WIPF3: variants seen among roughly 807,000 people sequenced by gnomAD.
WIPF3 encodes WAS/WASL-interacting protein family member 3.
Under a neutral mutation model 38.9 loss-of-function variants are expected in WIPF3, and 33 were observed. That is an observed-to-expected ratio of 0.85 (90% CI 0.64 to 1.14). The LOEUF is 1.14. WIPF3 is among the 50% of genes most tolerant of loss of function. The pLI is 0.00. For missense variants in WIPF3, 711 were observed against 652.5 expected (o/e 1.09, Z -0.98); for synonymous variants, 324 against 269.3 (o/e 1.20, Z -1.99).
At chr7:29,904,224 G>A in intron 7 of WIPF3, 62 bp from the exon 8 acceptor site, 1 of 1,537,308 alleles carries the variant, frequency 6.5e-7, no homozygotes, top group Non-Finnish European at 9.0e-7. Context: ...AAGTTTCTCT[G>A]TGAAACATGC....
chr7:29,828,251 C>T lies in WIPF3; in HGVS notation c.-57-6417C>T, dbSNP rs181102713. On this transcript the variant is annotated intron_variant, in intron 1 of 8. Coordinates refer to ENST00000242140, the MANE Select transcript of WIPF3 (RefSeq NM_001080529.3). ...AGCAACTAGTGTGTAAAATTACTTA[C>T]ATGAGTTCTTTCTTTCTGAAATAAC... Among the ~76,000 whole-genome samples, 33 of 152,346 alleles carry T rather than the reference C, an allele frequency of 2.2e-4. No individual in the cohort carries two copies. The East Asian group carries it at 6.4e-3, about 29-fold the overall frequency.
At chr7:29,871,740 G>A (rs1332738112) in intron 2 of WIPF3, among the ~76,000 whole-genome samples, 1 of 152,164 alleles carries the variant, frequency 6.6e-6, no homozygotes, top group African/African-American at 2.4e-5. Flanking sequence ...AATGTATCCA[G>A]GTGAGAGAAA....
intron 2 of WIPF3, among the ~76,000 whole-genome samples, chr7:29,835,139 C>T (rs1033771361): frequency 5.3e-5 from 8 of 151,990 alleles, no homozygotes; most frequent in Non-Finnish European, 1.0e-4. Flanking sequence ...CGCAATGGGC[C>T]ATGCCAAAGT....
In WIPF3 at chr7:29,834,789, C is replaced by T; in HGVS notation, c.65C>T (p.Pro22Leu). Reference protein sequence around the residue: ...PPPPPPLGAPPPPPPSAPPVS... With the variant: ...PPPPPPLGAPLPPPPSAPPVS... ...CCTCCCCCGCCTCTGGGGGCTCCTC[C>T]CCCTCCCCCACCATCAGCACCCCCG... Residue 22 changes from proline to leucine, a missense_variant, in exon 2 of 9, where the codon CCC becomes CTC. Pro to Leu is a moderately conservative substitution (Grantham distance 98, BLOSUM62 -3). Coordinates refer to ENST00000242140, the MANE Select transcript of WIPF3 (RefSeq NM_001080529.3). 1 of 1,526,762 alleles carries T rather than the reference C, an allele frequency of 6.5e-7. No homozygotes were observed. Among genetic ancestry groups the T allele is most frequent in the Non-Finnish European group, 8.8e-7 (1 of 1,133,288 alleles). 94.6% of individuals were successfully genotyped at this position (1,526,762 alleles called of 1,614,324 possible).
At chr7:29,833,692 G>A (rs1382696749) in intron 1 of WIPF3, among the ~76,000 whole-genome samples, 3 of 152,164 alleles carry the variant, frequency 2.0e-5, no homozygotes, top group African/African-American at 7.2e-5. Context: ...AAAAAACATA[G>A]GGACAGGCCT....
intron 2 of WIPF3, among the ~76,000 whole-genome samples, chr7:29,846,317 T>G (rs2128067698): frequency 6.6e-6 from 1 of 152,334 alleles, no homozygotes; most frequent in Middle Eastern, 3.4e-3. Flanking sequence ...TAGATTTCCA[T>G]TTTAATAAGG....
At chr7:29,820,767 T>C (rs2128062692) in intron 1 of WIPF3, among the ~76,000 whole-genome samples, 1 of 152,320 alleles carries the variant, frequency 6.6e-6, no homozygotes, top group Non-Finnish European at 1.5e-5. Context: ...GCTTGACTTA[T>C]ACTCCTGTGA....
chr7:29,871,324 GC>G (rs1485714314), intron 2 of WIPF3, among the ~76,000 whole-genome samples: 1 of 152,144 alleles, frequency 6.6e-6, no homozygotes, highest in Non-Finnish European at 1.5e-5. Context: ...ACGCCTGTCT[GC>G]CCCCAAGTTT....
At chr7:29,910,338 T>G (rs1431216885) in intron 8 of WIPF3, among the ~76,000 whole-genome samples, 1 of 152,188 alleles carries the variant, frequency 6.6e-6, no homozygotes, top group Non-Finnish European at 1.5e-5. Context: ...CACTGGTGAA[T>G]TCTGCCAAAC....
intron 2 of WIPF3, among the ~76,000 whole-genome samples, chr7:29,870,957 C>A (rs1243210609): frequency 9.5e-4 from 126 of 132,852 alleles, no homozygotes; most frequent in South Asian, 9.6e-4. Flanking sequence ...ACCCCATCTC[C>A]AAAAAAAAAA....
intron 7 of WIPF3, among the ~76,000 whole-genome samples, chr7:29,898,833 G>A (rs886537067): frequency 4.6e-5 from 7 of 152,036 alleles, no homozygotes; most frequent in Admixed American, 3.3e-4. Context: ...CAAAATTTAG[G>A]TTTTATTTTG....
At chr7:29,851,157 C>T (rs980692798) in intron 2 of WIPF3, among the ~76,000 whole-genome samples, 2 of 152,094 alleles carry the variant, frequency 1.3e-5, no homozygotes, top group Non-Finnish European at 2.9e-5. Context: ...CCGACCTTGC[C>T]GGCCATGTCA....
intron 1 of WIPF3, among the ~76,000 whole-genome samples, chr7:29,822,986 A>G (rs1330551320): frequency 6.6e-6 from 1 of 152,236 alleles, no homozygotes; most frequent in African/African-American, 2.4e-5. Context: ...CTTACTTTAA[A>G]AAATTACATT....
chr7:29,834,458 A>G (rs1279940186), intron 1 of WIPF3, among the ~76,000 whole-genome samples: 1 of 152,132 alleles, frequency 6.6e-6, no homozygotes, highest in Admixed American at 6.5e-5. Flanking sequence ...TATTATCTCT[A>G]GAATCTGGCT....
chr7:29,902,282 T>G (rs1786302065), intron 7 of WIPF3, among the ~76,000 whole-genome samples: 1 of 149,250 alleles, frequency 6.7e-6, no homozygotes, highest in Non-Finnish European at 1.5e-5. Flanking sequence ...TTCTTTTTTT[T>G]TTTTTTTTAC....
intron 8 of WIPF3, among the ~76,000 whole-genome samples, chr7:29,913,302 G>T (rs1309831011): frequency 7.0e-6 from 1 of 143,786 alleles, no homozygotes; most frequent in Non-Finnish European, 1.5e-5. Context: ...CTGAGATCAC[G>T]CCATTGCACT....
At chr7:29,813,452 G>C (rs1784411520) in intron 1 of WIPF3, among the ~76,000 whole-genome samples, 1 of 152,210 alleles carries the variant, frequency 6.6e-6, no homozygotes, top group Non-Finnish European at 1.5e-5. Context: ...ACACAGGGCA[G>C]GACTCTGCTC....
chr7:29,820,615 C>T (rs1412936108), intron 1 of WIPF3, among the ~76,000 whole-genome samples: 2 of 151,990 alleles, frequency 1.3e-5, no homozygotes, highest in East Asian at 3.9e-4. Context: ...AGAGTATCCA[C>T]TGATTCCCCA....
At chr7:29,824,193 A>G (rs1223606350) in intron 1 of WIPF3, among the ~76,000 whole-genome samples, 1 of 152,188 alleles carries the variant, frequency 6.6e-6, no homozygotes, top group African/African-American at 2.4e-5. Context: ...CTGTGATCCC[A>G]GCTATTACGG....
Sources: allele counts gnomAD v4.1 joint callset (sites outside exome capture counted in the v4.1 genomes callset), GRCh38; gene constraint gnomAD v4.1.1; transcripts MANE v1.5; gene names NCBI Gene and HGNC (gene_info 2026-07-23, HGNC 2026-07-21).